CDH18: variants seen among roughly 807,000 people sequenced by gnomAD.
CDH18 encodes the protein cadherin 18.
A neutral mutation model predicts 67.9 loss-of-function variants in CDH18; 31 were observed. That is an observed-to-expected ratio of 0.46 (90% confidence interval 0.34 to 0.62). CDH18 has a LOEUF of 0.62. CDH18 is among the 20% of genes least tolerant of loss of function. CDH18 has a pLI of 0.01. For synonymous variants in CDH18, 362 were observed against 347.2 expected, an observed-to-expected ratio of 1.04 and a Z score of -0.48; for missense variants, 890 against 975.5, an observed-to-expected ratio of 0.91 and a Z score of 1.17.
intron 1 of CDH18, among the ~76,000 whole-genome samples, chr5:20,400,878 C>G (rs76744360): frequency 1.3e-5 from 2 of 152,292 alleles, no homozygotes; most frequent in East Asian, 3.9e-4. Context: ...TATACTGAAA[C>G]TTATAATTTT....
chr5:20,376,969 A>G (rs1743501217), intron 1 of CDH18, among the ~76,000 whole-genome samples: 2 of 151,862 alleles, frequency 1.3e-5, no homozygotes, highest in Admixed American at 1.3e-4. Flanking sequence ...GTGAGCCAAG[A>G]TCACGCTACT....
At chr5:20,418,005 G>T (rs1171814443) in intron 1 of CDH18, among the ~76,000 whole-genome samples, 1 of 152,134 alleles carries the variant, frequency 6.6e-6, no homozygotes, top group Non-Finnish European at 1.5e-5. Flanking sequence ...TCACACTACA[G>T]AAATGAGGAA....
intron 5 of CDH18, among the ~76,000 whole-genome samples, chr5:19,674,557 C>A (rs1759206517): frequency 6.6e-6 from 1 of 151,976 alleles, no homozygotes; most frequent in South Asian, 2.1e-4. Context: ...TACAATAAAT[C>A]TAATGGTAAG....
chr5:20,339,356 A>G (rs954936655), intron 1 of CDH18, among the ~76,000 whole-genome samples: 2 of 152,132 alleles, frequency 1.3e-5, no homozygotes, highest in Non-Finnish European at 2.9e-5. Context: ...TTCTGCAAAC[A>G]TGAGCGTAAA....
chr5:20,371,036 C>CAAAAAAAAAAAAAAAAA (rs879271018), intron 1 of CDH18, among the ~76,000 whole-genome samples: 88 of 129,190 alleles, frequency 6.8e-4, no homozygotes, highest in African/African-American at 2.3e-3. Context: ...GACTCTGTCT[C>CAAAAAAAAAAAAAAAAA]AAAAAAAAAA....
chr5:19,694,038 T>C (rs1323434991), intron 5 of CDH18, among the ~76,000 whole-genome samples: 1 of 152,172 alleles, frequency 6.6e-6, no homozygotes, highest in African/African-American at 2.4e-5. Context: ...ACCTCTTTTG[T>C]ACATTTGATA....
rs140741351 is a variant in CDH18 at position 19,808,265 on chromosome 5, C to T, written c.228+30494G>A. On this transcript the variant is annotated intron_variant, in intron 3 of 12. Transcript: ENST00000382275. ...ATATTTAACTTTGTAACTTTTGTAA[C>T]GAATGCCTATAATTTTCTTTACAAA... Among the ~76,000 whole-genome samples, 82 of 149,446 alleles carry T rather than the reference C, an allele frequency of 5.5e-4. No homozygotes were observed. In the East Asian group the frequency reaches 0.013, roughly 23 times the overall value.
At chr5:19,587,160 T>C (rs1463704894) in intron 7 of CDH18, among the ~76,000 whole-genome samples, 1 of 152,160 alleles carries the variant, frequency 6.6e-6, no homozygotes, top group Non-Finnish European at 1.5e-5. Context: ...CTGTATGTTG[T>C]CTGTTTAACC....
At chr5:19,562,791 A>T (rs1335113097) in intron 8 of CDH18, among the ~76,000 whole-genome samples, 1 of 152,198 alleles carries the variant, frequency 6.6e-6, no homozygotes, top group Non-Finnish European at 1.5e-5. Context: ...AAATGCATAG[A>T]TAAATTCAGG....
chr5:19,611,144 G>C (rs566606762), intron 6 of CDH18, among the ~76,000 whole-genome samples: 1 of 152,056 alleles, frequency 6.6e-6, no homozygotes, highest in Admixed American at 6.6e-5. Flanking sequence ...TCTTCCTAGA[G>C]GATCTCATAA....
chr5:20,427,952 A>G (rs1430180156), intron 1 of CDH18, among the ~76,000 whole-genome samples: 1 of 151,036 alleles, frequency 6.6e-6, no homozygotes, highest in East Asian at 1.9e-4. Context: ...TTTTACTTTA[A>G]GTTCTAGGAT....
At chr5:20,122,335 A>G (rs1449174447) in intron 2 of CDH18, among the ~76,000 whole-genome samples, 1 of 152,156 alleles carries the variant, frequency 6.6e-6, no homozygotes, top group Non-Finnish European at 1.5e-5. Context: ...TGTTTTTTGT[A>G]AAGAATTTGG....
chr5:20,573,746 C>T (rs948937904), intron 1 of CDH18, among the ~76,000 whole-genome samples: 4 of 145,424 alleles, frequency 2.8e-5, no homozygotes, highest in Admixed American at 7.0e-5. Flanking sequence ...GTTTACAGTG[C>T]CAGTCACCAT....
intron 9 of CDH18, among the ~76,000 whole-genome samples, chr5:19,536,439 C>T (rs942478347): frequency 6.6e-6 from 1 of 152,096 alleles, no homozygotes; most frequent in African/African-American, 2.4e-5. Context: ...TGATGAAAAG[C>T]GTAATACACA....
chr5:19,848,615 G>A (rs1001536511), intron 2 of CDH18, among the ~76,000 whole-genome samples: 2 of 151,924 alleles, frequency 1.3e-5, no homozygotes, highest in African/African-American at 4.8e-5. Context: ...ACTGCAGTGG[G>A]TTGAGAAGTG....
chr5:19,941,349 GCACAAATGGAATAAGATAACTA>G (rs1794797328), intron 2 of CDH18, among the ~76,000 whole-genome samples: 1 of 152,122 alleles, frequency 6.6e-6, no homozygotes, highest in Non-Finnish European at 1.5e-5. Context: ...TGTCATAACA[GCACAAATGGAATAAGATAACTA>G]ATTTGTTAAA....
At chr5:19,807,033 C>G (rs1052212623) in intron 3 of CDH18, among the ~76,000 whole-genome samples, 1 of 152,154 alleles carries the variant, frequency 6.6e-6, no homozygotes, top group African/African-American at 2.4e-5. Context: ...TTACTACAGA[C>G]AATGTTAACA....
intron 5 of CDH18, among the ~76,000 whole-genome samples, chr5:19,710,517 T>C (rs528147375): frequency 2.2e-4 from 33 of 152,052 alleles, no homozygotes; most frequent in African/African-American, 7.7e-4. Flanking sequence ...CTGAGAATTA[T>C]TTTATTTATC....
chr5:20,007,873 G>C (rs1029943846), intron 2 of CDH18, among the ~76,000 whole-genome samples: 1 of 151,954 alleles, frequency 6.6e-6, no homozygotes, highest in Non-Finnish European at 1.5e-5. Flanking sequence ...AGATTTACTG[G>C]AACACAGTCA....
Sources: gnomAD v4.1 joint callset for allele counts (sites outside exome capture counted in the v4.1 genomes callset) on GRCh38, gnomAD v4.1.1 for gene constraint, MANE v1.5 for transcripts, NCBI Gene and HGNC (gene_info 2026-07-23, HGNC 2026-07-21) for gene names.